Variants in MYLK observed in about 807,000 individuals in gnomAD.
MYLK encodes myosin light chain kinase, smooth muscle.
Under a neutral mutation model 203.4 loss-of-function variants are expected in MYLK, and 106 were observed. That is an observed-to-expected ratio of 0.52 (90% confidence interval 0.45 to 0.61). MYLK has a LOEUF of 0.61. Among genes scored for constraint, MYLK ranks in the 20% least tolerant of loss-of-function variants. The pLI is 0.00. For missense variants in MYLK, 2,072 were observed against 2,442.3 expected (o/e 0.85, Z 3.20); for synonymous variants, 867 against 959.5 (o/e 0.90, Z 1.78).
chr3:123,680,728 C>T (rs531124652), intron 20 of MYLK, among the ~76,000 whole-genome samples: 29 of 152,258 alleles, frequency 1.9e-4, no homozygotes, highest in Admixed American at 5.2e-4. Flanking sequence ...AAAATAAAGT[C>T]ACAAAACACT....
At chr3:123,653,393 C>T (rs140441740) in intron 24 of MYLK, among the ~76,000 whole-genome samples, 1 of 152,328 alleles carries the variant, frequency 6.6e-6, no homozygotes, top group African/African-American at 2.4e-5. Context: ...CCAGAGTCCT[C>T]TGCCCTGAGG....
In MYLK at chr3:123,714,511, G is replaced by A. The variant is rs540898077; in HGVS notation, c.1805-4618C>T. On this transcript the variant is annotated intron_variant, in intron 13 of 33. Coordinates refer to ENST00000360304, the MANE Select transcript of MYLK (RefSeq NM_053025.4). ...GTCTCAGAGAGCCCAAGACTTCTTC[G>A]TCTTGGGAGGACACCCACTGGCCAT... 1.2e-4 allele frequency among the ~76,000 whole-genome samples: 18 copies of A among 152,216 alleles called. No homozygotes were observed. In the East Asian group the frequency reaches 2.3e-3, roughly 20 times the overall value.
intron 29 of MYLK, among the ~76,000 whole-genome samples, chr3:123,632,543 C>T (rs770441811): frequency 5.3e-5 from 8 of 152,176 alleles, no homozygotes; most frequent in Non-Finnish European, 1.2e-4. Context: ...TGGCACTCCT[C>T]CTTCCTGGCA....
chr3:123,713,713 G>A (rs544519000), intron 13 of MYLK, among the ~76,000 whole-genome samples: 1 of 151,986 alleles, frequency 6.6e-6, no homozygotes, highest in East Asian at 1.9e-4. Flanking sequence ...TCACTCTTCT[G>A]TGGACTTAAG....
chr3:123,760,774 T>C (rs2063509577), intron 4 of MYLK, among the ~76,000 whole-genome samples: 1 of 152,246 alleles, frequency 6.6e-6, no homozygotes, highest in African/African-American at 2.4e-5. Flanking sequence ...ACCCTTTAAC[T>C]GAGAACATTC....
chr3:123,823,717 C>T (rs1443698812), intron 3 of MYLK, among the ~76,000 whole-genome samples: 2 of 152,212 alleles, frequency 1.3e-5, no homozygotes, highest in African/African-American at 4.8e-5. Context: ...TGGCTGCCCA[C>T]TACACACAGA....
At chr3:123,821,538 G>A (rs992023701) in intron 3 of MYLK, among the ~76,000 whole-genome samples, 4 of 152,144 alleles carry the variant, frequency 2.6e-5, no homozygotes, top group African/African-American at 9.7e-5. Flanking sequence ...TTGATCTGCA[G>A]GCCTCCTACC....
chr3:123,688,624 A>G (rs1360499559), intron 19 of MYLK, among the ~76,000 whole-genome samples: 2 of 151,956 alleles, frequency 1.3e-5, no homozygotes, highest in African/African-American at 4.8e-5. Context: ...GTCCTAGCCA[A>G]CACTGCCTGG....
intron 13 of MYLK, among the ~76,000 whole-genome samples, chr3:123,721,137 A>G (rs1289326616): frequency 1.3e-5 from 2 of 152,282 alleles, no homozygotes; most frequent in Admixed American, 1.3e-4. Context: ...GTAAGCCACA[A>G]ATGTTTCTTC....
intron 2 of MYLK, among the ~76,000 whole-genome samples, chr3:123,833,175 G>A (rs1203686814): frequency 6.6e-6 from 1 of 152,080 alleles, no homozygotes; most frequent in African/African-American, 2.4e-5. Context: ...GCACCCAGTT[G>A]CTCCCTGTAA....
intron 4 of MYLK, among the ~76,000 whole-genome samples, chr3:123,784,161 G>C (rs953961518): frequency 6.6e-6 from 1 of 152,128 alleles, no homozygotes; most frequent in South Asian, 2.1e-4. Flanking sequence ...GGACTATAAC[G>C]ACCTGGAAAC....
At chr3:123,684,325 G>A (rs1237493335) in intron 19 of MYLK, among the ~76,000 whole-genome samples, 1 of 152,102 alleles carries the variant, frequency 6.6e-6, no homozygotes, top group Non-Finnish European at 1.5e-5. Flanking sequence ...TCAAGCACAG[G>A]GAGTGCGCAG....
chr3:123,715,438 T>G (rs1266140250), intron 13 of MYLK, among the ~76,000 whole-genome samples: 1 of 152,232 alleles, frequency 6.6e-6, no homozygotes, highest in African/African-American at 2.4e-5. Flanking sequence ...AGCCAGCTTT[T>G]CTAGCCAATT....
At chr3:123,680,252 G>A (rs1022343429) in intron 20 of MYLK, among the ~76,000 whole-genome samples, 5 of 152,104 alleles carry the variant, frequency 3.3e-5, no homozygotes, top group African/African-American at 4.8e-5. Flanking sequence ...TCCACAGCTC[G>A]GCTCTGACCC....
chr3:123,815,952 T>C (rs894650155), intron 3 of MYLK, among the ~76,000 whole-genome samples: 5 of 152,242 alleles, frequency 3.3e-5, no homozygotes, highest in Admixed American at 3.3e-4. Context: ...CAGATGAAGC[T>C]TCCCCTGCTC....
intron 4 of MYLK, among the ~76,000 whole-genome samples, chr3:123,755,193 G>C (rs2063324442): frequency 6.6e-6 from 1 of 152,220 alleles, no homozygotes; most frequent in Non-Finnish European, 1.5e-5. Context: ...GCAACTAGGA[G>C]GAGGTAAATC....
chr3:123,634,524 G>A lies in MYLK; in HGVS notation c.4961+3547C>T, dbSNP rs542284692. Among the ~76,000 whole-genome samples, 613 of 152,332 alleles carry A rather than the reference G, an allele frequency of 4.0e-3. 2 individuals carry two copies. The highest frequency in any genetic ancestry group is 5.6e-3 in the Non-Finnish European group (378 of 68,024). On this transcript the variant is annotated intron_variant, in intron 29 of 33. Transcript: ENST00000360304. ...TCTCCCGACCACACACCAGGGTGGG[G>A]AGGGACAGCTGACAGCTGTCTGCAC...
intron 18 of MYLK, among the ~76,000 whole-genome samples, chr3:123,694,744 GC>G (rs2060838832): frequency 6.6e-6 from 1 of 152,252 alleles, no homozygotes; most frequent in Non-Finnish European, 1.5e-5. Flanking sequence ...CCAGGGCAAG[GC>G]ATGGGGCAGG....
intron 2 of MYLK, among the ~76,000 whole-genome samples, chr3:123,858,811 G>A (rs1000973864): frequency 3.9e-5 from 6 of 152,130 alleles, no homozygotes; most frequent in South Asian, 2.1e-4. Flanking sequence ...GTTTTGGAGC[G>A]GACGTCCAAA....
Sources: allele counts gnomAD v4.1 joint callset (sites outside exome capture counted in the v4.1 genomes callset), GRCh38; gene constraint gnomAD v4.1.1; transcripts MANE v1.5; gene names NCBI Gene and HGNC (gene_info 2026-07-23, HGNC 2026-07-21).